C2orf42: variants seen among roughly 807,000 people sequenced by gnomAD.
C2orf42 encodes uncharacterized protein C2orf42.
In C2orf42, 44 loss-of-function variants were observed where a neutral mutation model predicts 58.9. The ratio of observed to expected loss-of-function variants is 0.75; its 90% CI spans 0.59 to 0.96. The LOEUF (loss-of-function observed/expected upper bound fraction) is 0.96. C2orf42 is among the 40% of genes least tolerant of loss of function. The pLI is 0.00. For missense variants in C2orf42, 630 were observed against 699.2 expected (o/e 0.90, Z 1.12); for synonymous variants, 239 against 265.4 (o/e 0.90, Z 0.97).
intron 5 of C2orf42, among the ~76,000 whole-genome samples, chr2:70,174,671 CTCTT>C (rs1160232792): frequency 6.6e-6 from 1 of 151,776 alleles, no homozygotes; most frequent in Non-Finnish European, 1.5e-5. Context: ...TCCCAACCCC[CTCTT>C]TCTTTTTTTT....
rs1217291159 is a variant in C2orf42, at chr2:70,181,416, C to T, written c.570G>A (p.Val190=). ...GCTTCTGGCTTGCCTTGCATTTCAC[C>T]ACCAAGATGTTTTTAGTAATTCTCT... ...LVQRITKNIL[V]VKCKASQKHS... The change falls in exon 3 of 10, where the codon GTG becomes GTA. Residue 190 remains valine (V), a synonymous_variant. Coordinates refer to ENST00000264434, the MANE Select transcript of C2orf42 (RefSeq NM_017880.3). The T allele has an allele frequency of 6.2e-7, 1 of 1,614,000 alleles. No homozygotes were observed. The highest frequency in any genetic ancestry group is 2.2e-5 in the East Asian group (1 of 44,892).
chr2:70,159,302 T>G (rs1168533119), intron 9 of C2orf42, among the ~76,000 whole-genome samples: 1 of 152,000 alleles, frequency 6.6e-6, no homozygotes, highest in Non-Finnish European at 1.5e-5. Context: ...TAAAGCAAAT[T>G]TAGGGCCCGG....
At chr2:70,155,238 T>C (rs1174793091) in intron 9 of C2orf42, among the ~76,000 whole-genome samples, 1 of 151,416 alleles carries the variant, frequency 6.6e-6, no homozygotes, top group African/African-American at 2.4e-5. Context: ...CAAGACTCCA[T>C]CTAAAAAAAT....
chr2:70,182,094 A>G, intron 2 of C2orf42, 97 bp from the exon 3 acceptor site: 1 of 651,708 alleles, frequency 1.5e-6, no homozygotes. Context: ...AAATATAAAA[A>G]AGCTATCTAC....
rs114745930 is a variant in C2orf42, at chr2:70,160,690, G to A, written c.1451C>T (p.Thr484Ile). 3.7e-6 allele frequency: 6 copies of A among 1,613,226 alleles called. No homozygotes were observed. Among genetic ancestry groups the A allele is most frequent in the Non-Finnish European group, 1.7e-6 (2 of 1,179,688 alleles). ...PKVEVESIAE[T>I]YGRIEKQPVL... ...TGGTTGTTTTTCTATACGACCGTAG[G>A]TTTCTGCTATGCTTTCTACTTCCAC... The change falls in exon 9 of 10, where the codon ACC (threonine) becomes ATC (isoleucine). Residue 484 changes from threonine to isoleucine, a missense_variant. By Grantham distance (89) the Thr-to-Ile change is moderately conservative. Transcript: ENST00000264434.
chr2:70,187,703 T>A (rs1675042872), intron 1 of C2orf42, among the ~76,000 whole-genome samples: 1 of 152,134 alleles, frequency 6.6e-6, no homozygotes, highest in African/African-American at 2.4e-5. Context: ...TAGTTTTTTT[T>A]AAATTGAGAC....
chr2:70,154,794 C>T (rs752367013), intron 9 of C2orf42, among the ~76,000 whole-genome samples: 12 of 151,864 alleles, frequency 7.9e-5, no homozygotes, highest in Non-Finnish European at 1.5e-4. Context: ...CTTGCTCTGT[C>T]ACCTAGGCTG....
At chr2:70,163,884 G>T (rs895073892) in intron 8 of C2orf42, among the ~76,000 whole-genome samples, 1 of 151,898 alleles carries the variant, frequency 6.6e-6, no homozygotes, top group Non-Finnish European at 1.5e-5. Context: ...AAAATGTCTA[G>T]TGTGGCTGGA....
Position 70,162,143 on chromosome 2 carries a change from C to CT in C2orf42, c.1354-1357dup, listed in dbSNP as rs555534260. On this transcript the variant is annotated intron_variant, in intron 8 of 9. Coordinates refer to ENST00000264434, the MANE Select transcript of C2orf42 (RefSeq NM_017880.3). ...TCTCCTGCCTCAGCCTCCCGAGTAGCTGGGATTACAGGAGCAAGCCACCAC... is the reference window on the plus strand; with the variant it reads ...TCTCCTGCCTCAGCCTCCCGAGTAGCTTGGGATTACAGGAGCAAGCCACCAC... 3.1e-3 allele frequency among the ~76,000 whole-genome samples: 473 copies of CT among 151,664 alleles called. 5 individuals carry two copies. In the South Asian group the frequency reaches 0.045, roughly 14 times the overall value.
chr2:70,150,786 C>A (rs1672259645), intron 9 of C2orf42, among the ~76,000 whole-genome samples: 1 of 152,178 alleles, frequency 6.6e-6, no homozygotes, highest in Non-Finnish European at 1.5e-5. Flanking sequence ...CGCTTTGGCA[C>A]CCAGGCTGGA....
chr2:70,158,972 C>T (rs539838683), intron 9 of C2orf42, among the ~76,000 whole-genome samples: 2 of 135,004 alleles, frequency 1.5e-5, no homozygotes, highest in Non-Finnish European at 3.0e-5. Context: ...AGTGCAGTGG[C>T]GCGATCTCGG....
intron 6 of C2orf42, among the ~76,000 whole-genome samples, chr2:70,168,899 G>C (rs1572998619): frequency 6.6e-6 from 1 of 151,844 alleles, no homozygotes; most frequent in South Asian, 2.1e-4. Flanking sequence ...ATTTTTAGTA[G>C]AGATAGGGTT....
At chr2:70,166,432 G>A (rs1388146971) in intron 6 of C2orf42, among the ~76,000 whole-genome samples, 2 of 150,122 alleles carry the variant, frequency 1.3e-5, no homozygotes, top group African/African-American at 2.4e-5. Flanking sequence ...TTGGGAGGCC[G>A]AGGTGGGTGG....
At chr2:70,153,945 C>T (rs113116675) in intron 9 of C2orf42, among the ~76,000 whole-genome samples, 3,463 of 150,894 alleles carry the variant, frequency 0.023, 101 homozygotes, top group Admixed American at 0.08. Context: ...CCCAGCTACT[C>T]GGGAGGCTGA....
Position 70,150,227 on chromosome 2 carries a change from G to A in C2orf42, c.*129C>T, listed in dbSNP as rs1672219683. ...AACAGAATCCACTTGAAAGCACTGA[G>A]AATTTGCATCTTAGCTAAGAGCAGT... On this transcript the variant is annotated 3_prime_UTR_variant, in exon 10 of 10. Coordinates refer to ENST00000264434, the MANE Select transcript of C2orf42 (RefSeq NM_017880.3). 1.4e-6 allele frequency: 1 copy of A among 726,798 alleles called. No individual in the cohort carries two copies. Among genetic ancestry groups the A allele is most frequent in the South Asian group, 1.7e-5 (1 of 58,460 alleles). The allele number at this position is 726,798 out of a possible 1,614,324, so 45.0% of individuals were successfully genotyped here. A position where few individuals can be genotyped will look rare whatever the true frequency, so the allele number is the denominator to read the frequency against.
intron 1 of C2orf42, among the ~76,000 whole-genome samples, chr2:70,187,128 A>G (rs1041435589): frequency 1.3e-5 from 2 of 149,154 alleles, no homozygotes; most frequent in African/African-American, 2.5e-5. Flanking sequence ...AAAACAAAAC[A>G]AAAAAAAAAC....
At chr2:70,154,080 A>C (rs1672490559) in intron 9 of C2orf42, among the ~76,000 whole-genome samples, 1 of 151,458 alleles carries the variant, frequency 6.6e-6, no homozygotes, top group Non-Finnish European at 1.5e-5. Context: ...AACAAAAAAA[A>C]AAACACAGAA....
rs1051079168 is a variant in C2orf42, at chr2:70,181,898, G to A, written c.88C>T (p.Arg30Ter). The A allele has an allele frequency of 6.2e-7, 1 of 1,613,622 alleles. No individual in the cohort carries two copies. Among genetic ancestry groups the A allele is most frequent in the Non-Finnish European group, 8.5e-7 (1 of 1,179,656 alleles). Residue 30 changes from arginine (R) to a stop codon, truncating the protein, a stop_gained, in exon 3 of 10, where the codon CGA becomes TGA. Coordinates refer to ENST00000264434, the MANE Select transcript of C2orf42 (RefSeq NM_017880.3). LOFTEE classifies it high-confidence loss of function. ...ATLRGIRKCPRCGTYNGTRGL... is the reference protein window; with the variant it reads ...ATLRGIRKCP ...CGGGTTCCATTGTATGTGCCACATC[G>A]GGGACACTTTCTGATTCCCCTCAAT... is the stretch of plus-strand genomic sequence containing the variant.
chr2:70,189,516 G>A (rs1364058167), intron 1 of C2orf42, among the ~76,000 whole-genome samples: 3 of 146,220 alleles, frequency 2.1e-5, no homozygotes, highest in Non-Finnish European at 3.0e-5. Context: ...AGGAGATCGA[G>A]ACCATCCTGG....
Sources: gnomAD v4.1 joint callset for allele counts (sites outside exome capture counted in the v4.1 genomes callset) on GRCh38, gnomAD v4.1.1 for gene constraint, MANE v1.5 for transcripts, NCBI Gene and HGNC (gene_info 2026-07-23, HGNC 2026-07-21) for gene names.